The following GPHN variants were observed in gnomAD, a reference collection of about 807,000 sequenced individuals.
The protein encoded by GPHN is gephyrin.
GPHN carries 17 observed loss-of-function variants against 95.5 expected under a neutral mutation model. The ratio of observed to expected loss-of-function variants is 0.18; its 90% CI spans 0.12 to 0.27. The LOEUF is 0.27. GPHN is among the 10% of genes least tolerant of loss of function. The pLI is 1.00. For missense variants in GPHN, 660 were observed against 978.1 expected (o/e 0.67, Z 4.34); for synonymous variants, 320 against 322.5 (o/e 0.99, Z 0.08).
chr14:67,453,559 T>C, the GPHN span, among the ~76,000 whole-genome samples: 2,107 of 152,284 alleles, frequency 0.014, 52 homozygotes, highest in African/African-American at 0.048. Context: ...GCTGCACCTA[T>C]TTTTGCCCCC....
At chr14:66,599,703 TAAGATATTA>T (rs1008299978) in intron 1 of GPHN, among the ~76,000 whole-genome samples, 79 of 152,128 alleles carry the variant, frequency 5.2e-4, no homozygotes, top group African/African-American at 1.7e-3. Flanking sequence ...TTGTGTTGTT[TAAGATATTA>T]AATAATAGAA....
chr14:66,550,063 A>G (rs1044017255), intron 1 of GPHN, among the ~76,000 whole-genome samples: 10 of 152,224 alleles, frequency 6.6e-5, no homozygotes, highest in Non-Finnish European at 1.2e-4. Flanking sequence ...TGCTAACCCA[A>G]CATCCATTTT....
intron 4 of GPHN, among the ~76,000 whole-genome samples, chr14:66,851,433 G>C (rs1185379296): frequency 2.0e-5 from 3 of 151,776 alleles, no homozygotes; most frequent in Non-Finnish European, 4.4e-5. Flanking sequence ...TTGTATAAGT[G>C]GAACCATATA....
intron 4 of GPHN, among the ~76,000 whole-genome samples, chr14:66,844,010 C>T (rs1264331352): frequency 6.6e-6 from 1 of 151,878 alleles, no homozygotes; most frequent in East Asian, 1.9e-4. Context: ...TTAATTTTAT[C>T]CTTTTTAATA....
At chr14:67,065,368 T>C (rs556403771) in intron 11 of GPHN, among the ~76,000 whole-genome samples, 1 of 152,326 alleles carries the variant, frequency 6.6e-6, no homozygotes, top group East Asian at 1.9e-4. Flanking sequence ...TTGTCAATTT[T>C]AGAATACGTG....
intron 1 of GPHN, among the ~76,000 whole-genome samples, chr14:66,579,804 A>G (rs2061079719): frequency 6.6e-6 from 1 of 151,848 alleles, no homozygotes; most frequent in Admixed American, 6.6e-5. Context: ...TCATCGACTT[A>G]GAAAATCAAT....
At chr14:66,757,120 A>T (rs529031833) in intron 2 of GPHN, among the ~76,000 whole-genome samples, 2 of 152,156 alleles carry the variant, frequency 1.3e-5, no homozygotes, top group African/African-American at 4.8e-5. Context: ...GTGGTTATGT[A>T]TGAGGTGGAG....
Position 67,010,010 on chromosome 14 carries a change from C to T in GPHN, c.964-13623C>T, listed in dbSNP as rs894545398. Among the ~76,000 whole-genome samples the T allele has an allele frequency of 4.0e-5, 6 of 151,834 alleles. No homozygotes were observed. In the East Asian group the frequency reaches 5.9e-4, roughly 15 times the overall value. On this transcript the variant is annotated intron_variant, in intron 9 of 22. Coordinates refer to ENST00000478722, the MANE Select transcript of GPHN (RefSeq NM_020806.5). Reference sequence around the variant, plus strand: ...CTGACCTCAGGTGATTTGCCCGCCTCGGCCTCCCAAAGTGCTGGGATTACA... The same window carrying T: ...CTGACCTCAGGTGATTTGCCCGCCTTGGCCTCCCAAAGTGCTGGGATTACA...
the GPHN span, among the ~76,000 whole-genome samples, chr14:67,343,731 G>A: frequency 1.3e-5 from 2 of 152,320 alleles, no homozygotes; most frequent in Non-Finnish European, 2.9e-5. Context: ...TTAGCTGGGT[G>A]TAGTAGCATG....
the GPHN span, among the ~76,000 whole-genome samples, chr14:67,275,172 G>A: frequency 1.3e-5 from 2 of 152,214 alleles, no homozygotes; most frequent in Non-Finnish European, 2.9e-5. Context: ...TAGGAGTGGT[G>A]AGAGAGGGCA....
At chr14:67,453,356 TGAA>T in the GPHN span, among the ~76,000 whole-genome samples, 1 of 151,962 alleles carries the variant, frequency 6.6e-6, no homozygotes, top group Non-Finnish European at 1.5e-5. Context: ...AGAGCCTGGG[TGAA>T]GGAGAGCCAG....
chr14:67,552,202 C>T, the GPHN span, among the ~76,000 whole-genome samples: 1 of 152,150 alleles, frequency 6.6e-6, no homozygotes, highest in Admixed American at 6.5e-5. Context: ...ACCTCCTTGG[C>T]TGGCGTGTTA....
At chr14:67,169,057 G>A in intron 21 of GPHN, 21 bp downstream of exon 21, 1 of 1,450,206 alleles carries the variant, frequency 6.9e-7, no homozygotes, top group Non-Finnish European at 9.7e-7. Flanking sequence ...CTAATGACCA[G>A]AAACCAAAAT....
At chr14:67,275,654 T>C in the GPHN span, among the ~76,000 whole-genome samples, 2 of 152,308 alleles carry the variant, frequency 1.3e-5, no homozygotes, top group South Asian at 4.1e-4. Context: ...TTAGGGAGGA[T>C]TGCCTCTTTT....
chr14:66,851,752 T>A (rs1318541446), intron 4 of GPHN, among the ~76,000 whole-genome samples: 1 of 152,030 alleles, frequency 6.6e-6, no homozygotes, highest in Non-Finnish European at 1.5e-5. Context: ...AGAAATGAGA[T>A]TTTTCAAAAG....
At chr14:67,386,731 T>C in the GPHN span, among the ~76,000 whole-genome samples, 1 of 152,250 alleles carries the variant, frequency 6.6e-6, no homozygotes, top group Non-Finnish European at 1.5e-5. Flanking sequence ...GTATTTTTCG[T>C]ATACGTGATT....
the GPHN span, chr14:67,533,275 G>C: frequency 5.3e-5 from 8 of 151,892 alleles, no homozygotes; most frequent in Non-Finnish European, 1.2e-4. Flanking sequence ...CCCTGCTGCC[G>C]GGGAGGGGAG....
chr14:67,653,682 CTCA>C, the GPHN span, among the ~76,000 whole-genome samples: 1 of 152,172 alleles, frequency 6.6e-6, no homozygotes, highest in African/African-American at 2.4e-5. Flanking sequence ...TATTTTAGTA[CTCA>C]TCAAGTAGGC....
chr14:66,934,190 T>A (rs980775739), intron 8 of GPHN, among the ~76,000 whole-genome samples: 21 of 152,174 alleles, frequency 1.4e-4, no homozygotes, highest in Middle Eastern at 3.4e-3. Context: ...GTTGCTTTTT[T>A]AAATTACTTC....
Sources: gnomAD v4.1 joint callset for allele counts (sites outside exome capture counted in the v4.1 genomes callset) on GRCh38, gnomAD v4.1.1 for gene constraint, MANE v1.5 for transcripts, NCBI Gene and HGNC (gene_info 2026-07-23, HGNC 2026-07-21) for gene names.